Variants in SLC6A6 observed in about 807,000 individuals in gnomAD.
The protein encoded by SLC6A6 is solute carrier family 6 member 6, also known as sodium- and chloride-dependent taurine transporter.
In SLC6A6, 16 loss-of-function variants were observed where a neutral mutation model predicts 68.8. The ratio of observed to expected loss-of-function variants is 0.23; its 90% confidence interval spans 0.16 to 0.35. SLC6A6 has a LOEUF of 0.35. Ranked by LOEUF, SLC6A6 falls within the 10% of genes least tolerant of loss-of-function variation. SLC6A6 has a pLI of 1.00. For synonymous variants in SLC6A6, 312 were observed against 315.4 expected (o/e 0.99, Z 0.12); for missense variants, 474 against 802.8 (o/e 0.59, Z 4.95).
chr3:14,470,131 A>G (rs1307076144), intron 9 of SLC6A6, among the ~76,000 whole-genome samples: 2 of 152,184 alleles, frequency 1.3e-5, no homozygotes, highest in Non-Finnish European at 2.9e-5. Flanking sequence ...GAATTTGGCA[A>G]TGGGAGATAC....
intron 5 of SLC6A6, among the ~76,000 whole-genome samples, chr3:14,455,541 C>T (rs902792743): frequency 6.6e-5 from 10 of 152,236 alleles, no homozygotes; most frequent in Admixed American, 3.3e-4. Context: ...ATTTCCCCAG[C>T]GTGGGACAGG....
Position 14,466,265 on chromosome 3 carries a change from T to TAAA in SLC6A6, c.733-230_733-228dup, listed in dbSNP as rs11310077. Reference sequence around the variant, plus strand: ...TGACAGCGAGGCTCCGTCTCAAATTTAAAAAAAAAAAAAAAAAAAAAAAGA... The same window carrying TAAA: ...TGACAGCGAGGCTCCGTCTCAAATTTAAAAAAAAAAAAAAAAAAAAAAAAAAGA... On this transcript the variant is annotated intron_variant, in intron 6 of 14. Coordinates refer to ENST00000622186, the MANE Select transcript of SLC6A6 (RefSeq NM_003043.6). Among the ~76,000 whole-genome samples, 568 of 110,224 alleles carry TAAA rather than the reference T, an allele frequency of 5.2e-3. 2 individuals carry two copies. The highest frequency in any genetic ancestry group is 7.6e-3 in the Non-Finnish European group (404 of 52,992). 72.3% of individuals were successfully genotyped at this position (110,224 alleles called of 152,430 possible). A position where few individuals can be genotyped will look rare whatever the true frequency, so the allele number is the denominator to read the frequency against.
In SLC6A6 at chr3:14,481,822, C is replaced by T; in HGVS notation, c.1703C>T (p.Thr568Ile). ...GTCATCGTCATCCGCCTCTGCCAGA[C>T]TGAGGGGCCGTTCCTTGTGGTAAGT... ...PLVIVIRLCQ[T>I]EGPFLVRVKY... Residue 568 changes from threonine to isoleucine, a missense_variant, in exon 14 of 15, where the codon ACT becomes ATT. Thr to Ile is a moderately conservative substitution (Grantham distance 89). Coordinates refer to ENST00000622186, the MANE Select transcript of SLC6A6 (RefSeq NM_003043.6). This position sits in a 1 kb window ranked among gnomAD's most constrained non-coding sequence, Gnocchi z 4.7. 6.2e-7 allele frequency: 1 copy of T among 1,614,002 alleles called. No individual in the cohort carries two copies. The highest frequency in any genetic ancestry group is 8.5e-7 in the Non-Finnish European group (1 of 1,179,906).
intron 1 of SLC6A6, among the ~76,000 whole-genome samples, chr3:14,413,876 A>C (rs1699306549): frequency 6.6e-6 from 1 of 152,212 alleles, no homozygotes; most frequent in African/African-American, 2.4e-5. Flanking sequence ...GGCAGGGTAT[A>C]GGTCTGGATT....
chr3:14,410,281 C>T (rs1471746899), intron 1 of SLC6A6, among the ~76,000 whole-genome samples: 2 of 151,828 alleles, frequency 1.3e-5, no homozygotes, highest in Non-Finnish European at 2.9e-5. Flanking sequence ...CCCCCCTTGA[C>T]AGGGAGGGAT....
chr3:14,466,585 C>T lies in SLC6A6; in HGVS notation c.802C>T (p.Pro268Ser). ...GCTGCTGGTCCGAGGGCTGACGCTG[C>T]CGGGCGCGGGCGCAGGCATCAAGTT... ...LVLLVRGLTLPGAGAGIKFYL... is the reference protein window; with the variant it reads ...LVLLVRGLTLSGAGAGIKFYL... Residue 268 changes from proline to serine, a missense_variant, in exon 7 of 15, where the codon CCG becomes TCG. Physicochemically the swap from Pro to Ser is moderately conservative, Grantham distance 74 (BLOSUM62 -1). Coordinates refer to ENST00000622186, the MANE Select transcript of SLC6A6 (RefSeq NM_003043.6). 2 of 1,613,594 alleles carry T rather than the reference C, an allele frequency of 1.2e-6. No homozygotes were observed. Among genetic ancestry groups the T allele is most frequent in the Non-Finnish European group, 1.7e-6 (2 of 1,179,724 alleles).
At chr3:14,484,296 G>T (rs1701084247) in intron 14 of SLC6A6, among the ~76,000 whole-genome samples, 2 of 152,192 alleles carry the variant, frequency 1.3e-5, no homozygotes, top group South Asian at 2.1e-4. Context: ...TGCGAGCAAG[G>T]TTCTCCAAGC....
rs1701257118 is a variant in SLC6A6, at chr3:14,488,999, G to C, written c.*3992G>C. On this transcript the variant is annotated 3_prime_UTR_variant, in exon 15 of 15. Coordinates refer to ENST00000622186, the MANE Select transcript of SLC6A6 (RefSeq NM_003043.6). ...AGAGAAAGCTGAGAATGTGGGTCTT[G>C]CCTCCTTCCAGAAATATGTCTGGCT... is the stretch of plus-strand genomic sequence containing the variant. The C allele has an allele frequency of 6.6e-6, 1 of 152,244 alleles. No individual in the cohort carries two copies. Among genetic ancestry groups the C allele is most frequent in the Non-Finnish European group, 1.5e-5 (1 of 67,994 alleles). The allele number at this position is 152,244 out of a possible 1,614,324, so 9.4% of individuals were successfully genotyped here. A position where few individuals can be genotyped will look rare whatever the true frequency, so the allele number is the denominator to read the frequency against.
chr3:14,445,199 G>A (rs1179885229), intron 3 of SLC6A6, among the ~76,000 whole-genome samples: 2 of 152,066 alleles, frequency 1.3e-5, no homozygotes, highest in Admixed American at 1.3e-4. Context: ...AAGGCGGGCG[G>A]ATCACGAGGT....
chr3:14,450,173 C>T lies in SLC6A6; in HGVS notation c.599+2357C>T, dbSNP rs1012485819. Among the ~76,000 whole-genome samples the T allele has an allele frequency of 6.6e-6, 1 of 152,046 alleles. No homozygotes were observed. Among genetic ancestry groups the T allele is most frequent in the East Asian group, 1.9e-4 (1 of 5,174 alleles). On this transcript the variant is annotated intron_variant, in intron 5 of 14. Transcript: ENST00000622186. The surrounding 1 kb of genome is among the most constrained non-coding windows in gnomAD (Gnocchi z 4.1). Reference sequence around the variant, plus strand: ...TGTAAAGGGGTCATCCTCTTCTGGGCTCTGCTTGTCTCGCTGTTGTCTAGG... The same window carrying T: ...TGTAAAGGGGTCATCCTCTTCTGGGTTCTGCTTGTCTCGCTGTTGTCTAGG...
intron 3 of SLC6A6, 138 bp downstream of exon 3, chr3:14,444,001 G>A (rs1045774146): frequency 1.1e-5 from 7 of 637,768 alleles, no homozygotes; most frequent in African/African-American, 1.1e-4. Flanking sequence ...AGGTCAGCCT[G>A]CCATGCTCCT....
rs1260587110 is a variant in SLC6A6, at chr3:14,433,732, T to C, written c.-11-9892T>C. ...GAAACGAGAATCTCTTGGACCCAGGTGGCGGAGGTTGCAGAGAGCTGAGAT... is the reference window on the plus strand; with the variant it reads ...GAAACGAGAATCTCTTGGACCCAGGCGGCGGAGGTTGCAGAGAGCTGAGAT... On this transcript the variant is annotated intron_variant, in intron 2 of 14. Coordinates refer to ENST00000622186, the MANE Select transcript of SLC6A6 (RefSeq NM_003043.6). Among the ~76,000 whole-genome samples the C allele has an allele frequency of 2.3e-5, 3 of 130,510 alleles. 1 individual carries two copies. The highest frequency in any genetic ancestry group is 8.9e-5 in the African/African-American group (3 of 33,806). 85.6% of individuals were successfully genotyped at this position (130,510 alleles called of 152,430 possible).
intron 1 of SLC6A6, among the ~76,000 whole-genome samples, chr3:14,406,109 G>A (rs1345836004): frequency 4.6e-5 from 7 of 152,230 alleles, no homozygotes; most frequent in African/African-American, 1.4e-4. Flanking sequence ...CATGTTTGTA[G>A]AACAGGTTCC....
intron 2 of SLC6A6, among the ~76,000 whole-genome samples, chr3:14,430,405 C>T (rs1417478925): frequency 6.6e-6 from 1 of 152,040 alleles, no homozygotes; most frequent in Non-Finnish European, 1.5e-5. Flanking sequence ...AGAAGGTATA[C>T]CATGTCCCCA....
intron 3 of SLC6A6, among the ~76,000 whole-genome samples, chr3:14,445,442 A>AAAAG (rs71038410): frequency 8.8e-4 from 131 of 148,206 alleles, no homozygotes; most frequent in Middle Eastern, 7.1e-3. Context: ...AAAAAAGAAA[A>AAAAG]AAAGAAAGAA....
chr3:14,445,892 C>T (rs756078233), intron 4 of SLC6A6, 41 bp downstream of exon 4: 3 of 1,604,120 alleles, frequency 1.9e-6, no homozygotes, highest in Non-Finnish European at 2.6e-6. Flanking sequence ...TGGCACTCAT[C>T]AGTTCCACAC....
intron 7 of SLC6A6, among the ~76,000 whole-genome samples, chr3:14,467,576 C>T (rs771012184): frequency 1.3e-5 from 2 of 152,208 alleles, no homozygotes; most frequent in Non-Finnish European, 2.9e-5. Context: ...TACTTGCCCA[C>T]TGTCATTCCA....
At chr3:14,433,758 C>T (rs763984080) in intron 2 of SLC6A6, among the ~76,000 whole-genome samples, 4 of 142,378 alleles carry the variant, frequency 2.8e-5, no homozygotes, top group Admixed American at 7.3e-5. Context: ...GAGCTGAGAT[C>T]GCACCCTGCA....
chr3:14,444,028 G>A (rs1325055274), intron 3 of SLC6A6, 165 bp downstream of exon 3: 2 of 606,812 alleles, frequency 3.3e-6, no homozygotes, highest in African/African-American at 3.7e-5. Context: ...CCCACCCTTA[G>A]AGACAGGGGA....
Sources: gnomAD v4.1 joint callset for allele counts (sites outside exome capture counted in the v4.1 genomes callset) on GRCh38, gnomAD v4.1.1 for gene constraint, Gnocchi (gnomAD v3.1) non-coding constraint, MANE v1.5 for transcripts, NCBI Gene and HGNC (gene_info 2026-07-23, HGNC 2026-07-21) for gene names.